The following CUX2 variants were observed in gnomAD, a reference collection of about 807,000 sequenced individuals.
CUX2 encodes the protein homeobox protein cut-like 2.
A neutral mutation model predicts 144.8 loss-of-function variants in CUX2; 40 were observed. The ratio of observed to expected loss-of-function variants is 0.28; its 90% confidence interval spans 0.21 to 0.36. The LOEUF (loss-of-function observed/expected upper bound fraction) is 0.36, where lower values mean the gene tolerates loss of function less well. Among genes scored for constraint, CUX2 ranks in the 10% least tolerant of loss-of-function variants. CUX2 has a pLI of 1.00. For missense variants in CUX2, 1,615 were observed against 1,994.0 expected (o/e 0.81, Z 3.62); for synonymous variants, 827 against 875.6 (o/e 0.94, Z 0.98).
intron 3 of CUX2, among the ~76,000 whole-genome samples, chr12:111,251,326 C>T (rs765335816): frequency 1.1e-4 from 17 of 151,814 alleles, no homozygotes; most frequent in African/African-American, 3.1e-4. Context: ...AGAGAGAGAA[C>T]GAGAGGAAAA....
rs557847188 is a variant in CUX2 at position 111,061,889 on chromosome 12, AG to A, written c.63+27650del. 2.0e-3 allele frequency among the ~76,000 whole-genome samples: 311 copies of A among 152,340 alleles called. No individual in the cohort carries two copies. Among genetic ancestry groups the A allele is most frequent in the Middle Eastern group, 0.01 (3 of 294 alleles). On this transcript the variant is annotated intron_variant, in intron 1 of 21. Coordinates refer to ENST00000261726, the MANE Select transcript of CUX2 (RefSeq NM_015267.4). This position sits in a 1 kb window ranked among gnomAD's most constrained non-coding sequence, Gnocchi z 4.2. ...AACACCAGGCTTTAGAGTCAGGCAC[AG>A]TCAAGTTCAAATTCTGCCCCTGCCA...
intron 1 of CUX2, among the ~76,000 whole-genome samples, chr12:111,087,102 G>A (rs138222523): frequency 2.7e-4 from 41 of 152,210 alleles, no homozygotes; most frequent in African/African-American, 9.4e-4. Context: ...GCTCACACCT[G>A]CAAGCCCAGC....
intron 1 of CUX2, among the ~76,000 whole-genome samples, chr12:111,111,323 C>G (rs1370224621): frequency 6.6e-6 from 1 of 151,896 alleles, no homozygotes; most frequent in African/African-American, 2.4e-5. Context: ...AAAAGAGAGA[C>G]AATGGCTTTG....
At chr12:111,236,006 C>A (rs1882721525) in intron 3 of CUX2, among the ~76,000 whole-genome samples, 1 of 152,144 alleles carries the variant, frequency 6.6e-6, no homozygotes, top group Admixed American at 6.5e-5. Flanking sequence ...TGGCACGGCC[C>A]CAGGTCTGCC....
At chr12:111,300,639 A>C (rs934407837) in intron 9 of CUX2, among the ~76,000 whole-genome samples, 17 of 152,184 alleles carry the variant, frequency 1.1e-4, no homozygotes, top group Non-Finnish European at 2.2e-4. Context: ...TCAGCTGTGC[A>C]ATCCATACAG....
At chr12:111,257,608 ACTCTTCCTCCTCCCTG>A (rs1249950043) in intron 3 of CUX2, among the ~76,000 whole-genome samples, 1 of 36,298 alleles carries the variant, frequency 2.8e-5, no homozygotes, top group Non-Finnish European at 5.3e-5. Flanking sequence ...TCTCCTCCTC[ACTCTTCCTCCTCCCTG>A]CTCTTCCTCC....
chr12:111,251,185 T>G (rs1008332682), intron 3 of CUX2, among the ~76,000 whole-genome samples: 4 of 152,188 alleles, frequency 2.6e-5, no homozygotes, highest in Non-Finnish European at 5.9e-5. Flanking sequence ...GGTGCATGGA[T>G]GCTTCGAGGA....
At chr12:111,095,694 G>C (rs1162746968) in intron 1 of CUX2, among the ~76,000 whole-genome samples, 1 of 152,196 alleles carries the variant, frequency 6.6e-6, no homozygotes, top group African/African-American at 2.4e-5. Context: ...GAGGGTGCAG[G>C]TGAAGGACTC....
chr12:111,315,125 T>C (rs1458027249), intron 16 of CUX2, among the ~76,000 whole-genome samples: 2 of 152,138 alleles, frequency 1.3e-5, no homozygotes, highest in Non-Finnish European at 2.9e-5. Flanking sequence ...AATACAAAGG[T>C]TATTGCCCCA....
intron 1 of CUX2, among the ~76,000 whole-genome samples, chr12:111,091,603 G>A (rs1872557243): frequency 6.6e-6 from 1 of 152,180 alleles, no homozygotes; most frequent in South Asian, 2.1e-4. Context: ...ATAGAAGAAC[G>A]CTGTGTTCCT....
At chr12:111,298,649 T>C (rs1592934856) in intron 9 of CUX2, 60 bp downstream of exon 9, 1 of 1,481,716 alleles carries the variant, frequency 6.7e-7, no homozygotes, top group South Asian at 1.2e-5. Context: ...GGGGTGGGGG[T>C]CTCGGGCCAG....
At chr12:111,172,479 A>C (rs1878605687) in intron 1 of CUX2, among the ~76,000 whole-genome samples, 3 of 152,170 alleles carry the variant, frequency 2.0e-5, no homozygotes, top group Non-Finnish European at 4.4e-5. Flanking sequence ...CGAACAAATT[A>C]TATCATCGTG....
chr12:111,342,543 T>C (rs1401574881), intron 21 of CUX2, among the ~76,000 whole-genome samples: 2 of 152,042 alleles, frequency 1.3e-5, no homozygotes, highest in Admixed American at 1.3e-4. Flanking sequence ...CTTTCAGCTG[T>C]GGAGCCTTCT....
chr12:111,325,013 G>T (rs368621030), intron 18 of CUX2, among the ~76,000 whole-genome samples: 1 of 151,898 alleles, frequency 6.6e-6, no homozygotes. Context: ...TGGCCGGGTG[G>T]GGTGCCTCAT....
At chr12:111,254,913 G>A (rs1034421473) in intron 3 of CUX2, among the ~76,000 whole-genome samples, 5 of 152,220 alleles carry the variant, frequency 3.3e-5, no homozygotes, top group Middle Eastern at 3.4e-3. Flanking sequence ...GCAGTGGCAC[G>A]ATCTTGGCTC....
At chr12:111,161,021 G>A (rs1259923581) in intron 1 of CUX2, among the ~76,000 whole-genome samples, 1 of 152,164 alleles carries the variant, frequency 6.6e-6, no homozygotes, top group Non-Finnish European at 1.5e-5. Flanking sequence ...GTCCGCAGTG[G>A]GTGGGTGGTG....
chr12:111,312,327 G>A lies in CUX2; in HGVS notation c.2002+126G>A. 1.3e-6 allele frequency: 1 copy of A among 767,156 alleles called. No individual in the cohort carries two copies. Among genetic ancestry groups the A allele is most frequent in the African/African-American group, 1.7e-5 (1 of 57,158 alleles). 47.5% of individuals were successfully genotyped at this position (767,156 alleles called of 1,614,324 possible). On this transcript the variant is annotated intron_variant, in intron 16 of 21. Transcript: ENST00000261726. The surrounding 1 kb of genome is among the most constrained non-coding windows in gnomAD (Gnocchi z 4.3). ...GGTGGATCAGAACCACCAGAGGCCAGAGGGACCTGTCTAGAGCGCATGGGT... is the reference window on the plus strand; with the variant it reads ...GGTGGATCAGAACCACCAGAGGCCAAAGGGACCTGTCTAGAGCGCATGGGT...
chr12:111,234,593 G>A (rs997366734), intron 3 of CUX2, among the ~76,000 whole-genome samples: 2 of 152,170 alleles, frequency 1.3e-5, no homozygotes, highest in Non-Finnish European at 2.9e-5. Flanking sequence ...TAGGAAGATT[G>A]GGCAGGATGG....
chr12:111,150,475 C>T (rs986591914), intron 1 of CUX2, among the ~76,000 whole-genome samples: 10 of 152,092 alleles, frequency 6.6e-5, no homozygotes, highest in Admixed American at 1.3e-4. Flanking sequence ...CACGGGGCTC[C>T]GGGAGAAAGC....
Sources: allele counts gnomAD v4.1 joint callset (sites outside exome capture counted in the v4.1 genomes callset), GRCh38; gene constraint gnomAD v4.1.1; non-coding constraint Gnocchi (gnomAD v3.1); transcripts MANE v1.5; gene names NCBI Gene and HGNC (gene_info 2026-07-23, HGNC 2026-07-21).